Variants in DOCK3 observed in about 807,000 individuals in gnomAD.
DOCK3 encodes the protein dedicator of cytokinesis protein 3.
A neutral mutation model predicts 265.6 loss-of-function variants in DOCK3; 60 were observed. That is an observed-to-expected ratio of 0.23 (90% CI 0.18 to 0.28). DOCK3 has a LOEUF of 0.28. Ranked by LOEUF, DOCK3 falls within the 10% of genes least tolerant of loss-of-function variation. The pLI is 1.00. For missense variants in DOCK3, 1,981 were observed against 2,594.3 expected (o/e 0.76, Z 5.14); for synonymous variants, 881 against 938.0 (o/e 0.94, Z 1.11).
At chr3:51,372,113 T>C (rs1366990084) in intron 49 of DOCK3, among the ~76,000 whole-genome samples, 1 of 152,184 alleles carries the variant, frequency 6.6e-6, no homozygotes, top group Admixed American at 6.5e-5. Flanking sequence ...GAATAGGTGC[T>C]TTTTTCACCT....
rs1446369624 is a variant in DOCK3 at position 51,361,480 on chromosome 3, G to A, written c.5007-379G>A. Among the ~76,000 whole-genome samples, 2 of 152,052 alleles carry A rather than the reference G, an allele frequency of 1.3e-5. No individual in the cohort carries two copies. Among genetic ancestry groups the A allele is most frequent in the Non-Finnish European group, 2.9e-5 (2 of 68,000 alleles). Reference sequence around the variant, plus strand: ...AGCAGATCCCATCATGGTGTGGGGGGGTTGGGGGGTGGGCACTGACCCAGA... The same window carrying A: ...AGCAGATCCCATCATGGTGTGGGGGAGTTGGGGGGTGGGCACTGACCCAGA... On this transcript the variant is annotated intron_variant, in intron 47 of 52. Transcript: ENST00000266037. This position sits in a 1 kb window ranked among gnomAD's most constrained non-coding sequence, Gnocchi z 4.2.
At chr3:51,185,726 T>C (rs2107778816) in intron 12 of DOCK3, among the ~76,000 whole-genome samples, 1 of 152,302 alleles carries the variant, frequency 6.6e-6, no homozygotes, top group South Asian at 2.1e-4. Flanking sequence ...TTTCCCATGC[T>C]GTTCTCATGA....
At chr3:51,075,473 G>C (rs767367850) in intron 7 of DOCK3, 33 bp downstream of exon 7, 2 of 1,482,690 alleles carry the variant, frequency 1.3e-6, no homozygotes, top group Non-Finnish European at 1.8e-6. Context: ...GCTTGTTCCT[G>C]CATACCTCAT....
intron 12 of DOCK3, among the ~76,000 whole-genome samples, chr3:51,163,655 C>T (rs2086243411): frequency 6.6e-6 from 1 of 152,108 alleles, no homozygotes. Context: ...ATAAATAATG[C>T]ACGTAACCAA....
At chr3:51,113,259 C>T (rs1458156455) in intron 9 of DOCK3, among the ~76,000 whole-genome samples, 1 of 152,082 alleles carries the variant, frequency 6.6e-6, no homozygotes, top group African/African-American at 2.4e-5. Context: ...TAGGGCATGG[C>T]ACTTTTTAAA....
intron 1 of DOCK3, among the ~76,000 whole-genome samples, chr3:50,759,202 CTAAAT>C (rs1190208257): frequency 6.6e-6 from 1 of 151,890 alleles, no homozygotes; most frequent in Non-Finnish European, 1.5e-5. Context: ...ATTTAATTAA[CTAAAT>C]TAAGTATTTA....
chr3:51,310,158 C>T (rs1011844172), intron 27 of DOCK3, 74 bp from the exon 28 acceptor site: 18 of 1,147,364 alleles, frequency 1.6e-5, no homozygotes, highest in Admixed American at 6.0e-5. Context: ...GATCTAGTGG[C>T]GGCCAGGAGT....
intron 5 of DOCK3, among the ~76,000 whole-genome samples, chr3:51,057,326 T>C (rs2081240740): frequency 6.6e-6 from 1 of 152,236 alleles, no homozygotes; most frequent in African/African-American, 2.4e-5. Flanking sequence ...CCAAATAATC[T>C]GTGACTGATC....
intron 4 of DOCK3, among the ~76,000 whole-genome samples, chr3:50,916,266 C>T (rs1361753577): frequency 6.6e-6 from 1 of 151,932 alleles, no homozygotes; most frequent in African/African-American, 2.4e-5. Context: ...AGCTTAACTC[C>T]TTACTGTTGG....
intron 5 of DOCK3, among the ~76,000 whole-genome samples, chr3:51,026,787 A>T (rs942083686): frequency 6.6e-6 from 1 of 152,006 alleles, no homozygotes; most frequent in Non-Finnish European, 1.5e-5. Flanking sequence ...TTTTGCAGTT[A>T]TCTCTGGGAA....
rs75399669 is a variant in DOCK3, at chr3:50,956,741, G to A, written c.315+22664G>A. On this transcript the variant is annotated intron_variant, in intron 5 of 52. Coordinates refer to ENST00000266037, the MANE Select transcript of DOCK3 (RefSeq NM_004947.5). ...AACTAGAATCTAAGTGCCTTGCTTC[G>A]ACTCCAAGGTTTCCATTTTAAGAAA... is the stretch of plus-strand genomic sequence containing the variant. Among the ~76,000 whole-genome samples the A allele has an allele frequency of 2.8e-4, 42 of 152,262 alleles. 1 individual carries two copies. The East Asian group carries it at 6.0e-3, about 22-fold the overall frequency.
At position 51,233,346 on chromosome 3, in the gene DOCK3, C is replaced by CTATT. The variant is rs1404782033; in HGVS notation, c.1918-2996_1918-2995insTTAT. Among the ~76,000 whole-genome samples the CTATT allele has an allele frequency of 4.2e-3, 340 of 81,914 alleles. 2 individuals are homozygous for CTATT. Among genetic ancestry groups the CTATT allele is most frequent in the East Asian group, 0.018 (72 of 4,058 alleles). 53.7% of individuals were successfully genotyped at this position (81,914 alleles called of 152,430 possible). A position where few individuals can be genotyped will look rare whatever the true frequency, so the allele number is the denominator to read the frequency against. On this transcript the variant is annotated intron_variant, in intron 19 of 52. Coordinates refer to ENST00000266037, the MANE Select transcript of DOCK3 (RefSeq NM_004947.5). ...TCTATCTATCTATCTATCTATCTATCTATCTATCTATCTATTTATTTATTT... is the reference window on the plus strand; with the variant it reads ...TCTATCTATCTATCTATCTATCTATCTATTTATCTATCTATCTATTTATTTATTT...
chr3:50,682,680 G>A (rs151043086), intron 1 of DOCK3, among the ~76,000 whole-genome samples: 2 of 152,108 alleles, frequency 1.3e-5, no homozygotes, highest in East Asian at 1.9e-4. Context: ...GGCTTATGTC[G>A]GTATTCCCAA....
intron 22 of DOCK3, among the ~76,000 whole-genome samples, chr3:51,256,042 G>A (rs2079526671): frequency 6.6e-6 from 1 of 152,082 alleles, no homozygotes; most frequent in African/African-American, 2.4e-5. Context: ...CATACAGATG[G>A]GTTTTTGGTG....
intron 5 of DOCK3, among the ~76,000 whole-genome samples, chr3:50,961,246 A>G (rs1181774224): frequency 6.6e-6 from 1 of 152,186 alleles, no homozygotes; most frequent in Non-Finnish European, 1.5e-5. Flanking sequence ...AATTTGGGAA[A>G]CATAAGTTTT....
chr3:51,061,524 G>A (rs941330680), intron 5 of DOCK3, among the ~76,000 whole-genome samples: 12 of 151,550 alleles, frequency 7.9e-5, no homozygotes, highest in Non-Finnish European at 1.8e-4. Flanking sequence ...AGAACACATC[G>A]ACATAGGAAG....
intron 41 of DOCK3, 141 bp from the exon 42 acceptor site, chr3:51,355,948 G>T: frequency 1.0e-6 from 1 of 989,450 alleles, no homozygotes. Context: ...TCTGCCCCTA[G>T]AGATGCCACT....
intron 12 of DOCK3, among the ~76,000 whole-genome samples, chr3:51,184,444 A>T (rs951276981): frequency 3.3e-5 from 5 of 152,110 alleles, no homozygotes; most frequent in African/African-American, 1.2e-4. Context: ...CATGCTCAAA[A>T]TTTTTTTAAA....
At chr3:51,073,503 G>A (rs1160949290) in intron 6 of DOCK3, among the ~76,000 whole-genome samples, 1 of 152,208 alleles carries the variant, frequency 6.6e-6, no homozygotes, top group Non-Finnish European at 1.5e-5. Context: ...GATATAAGAA[G>A]TCGGGATCCC....
Sources: gnomAD v4.1 joint callset for allele counts (sites outside exome capture counted in the v4.1 genomes callset) on GRCh38, gnomAD v4.1.1 for gene constraint, Gnocchi (gnomAD v3.1) non-coding constraint, MANE v1.5 for transcripts, NCBI Gene and HGNC (gene_info 2026-07-23, HGNC 2026-07-21) for gene names.